The following DIP2A variants were observed in gnomAD, a reference collection of about 807,000 sequenced individuals.
DIP2A encodes the protein disco-interacting protein 2 homolog A.
A neutral mutation model predicts 177.4 loss-of-function variants in DIP2A; 85 were observed. The ratio of observed to expected loss-of-function variants is 0.48; its 90% CI spans 0.40 to 0.57. DIP2A has a LOEUF of 0.57. DIP2A is among the 20% of genes least tolerant of loss of function. The pLI is 0.00. For missense variants in DIP2A, 1,791 were observed against 2,100.2 expected, an observed-to-expected ratio of 0.85 and a Z score of 2.88; for synonymous variants, 886 against 881.8, an observed-to-expected ratio of 1.00 and a Z score of -0.08.
At chr21:46,517,046 TTCTC>T (rs774294971) in intron 8 of DIP2A, among the ~76,000 whole-genome samples, 7 of 145,930 alleles carry the variant, frequency 4.8e-5, no homozygotes, top group African/African-American at 1.8e-4. Context: ...TGTCTGTGTT[TTCTC>T]TCTCTTTTTT....
chr21:46,565,684 A>G lies in DIP2A; in HGVS notation c.4165-29A>G, dbSNP rs750348033. 1.6e-5 allele frequency: 26 copies of G among 1,596,758 alleles called. No individual in the cohort carries two copies. The South Asian group carries it at 2.1e-4, about 13-fold the overall frequency. Reference sequence around the variant, plus strand: ...ATCTGAACTCGGTGGTTGGTAACACATCACATTCTTGTCCTCTGGGCCCAC... The same window carrying G: ...ATCTGAACTCGGTGGTTGGTAACACGTCACATTCTTGTCCTCTGGGCCCAC... On this transcript the variant is annotated intron_variant, in intron 35 of 37. Coordinates refer to ENST00000417564, the MANE Select transcript of DIP2A (RefSeq NM_015151.4).
At chr21:46,539,771 G>T in intron 16 of DIP2A, 106 bp from the exon 17 acceptor site, 1 of 906,256 alleles carries the variant, frequency 1.1e-6, no homozygotes. Context: ...ATGCAGCCCT[G>T]TGGTTCCGAT....
chr21:46,459,908 C>G (rs1225671886), intron 1 of DIP2A, among the ~76,000 whole-genome samples: 1 of 151,866 alleles, frequency 6.6e-6, no homozygotes, highest in Non-Finnish European at 1.5e-5. Context: ...CACTTTTGCC[C>G]CAAGCTGTGA....
intron 1 of DIP2A, among the ~76,000 whole-genome samples, chr21:46,467,755 TC>T (rs1568902810): frequency 6.6e-6 from 1 of 152,172 alleles, no homozygotes; most frequent in Non-Finnish European, 1.5e-5. Flanking sequence ...GTTTTTTTTT[TC>T]ATAGTAAATT....
chr21:46,482,288 C>T (rs142801049), intron 1 of DIP2A, among the ~76,000 whole-genome samples: 70 of 152,194 alleles, frequency 4.6e-4, no homozygotes, highest in African/African-American at 1.6e-3. Context: ...TTTCGGGCAA[C>T]GATTGACCAC....
At position 46,459,012 on chromosome 21, in the gene DIP2A, G is replaced by C; in HGVS notation, c.-120G>C. 1 of 831,598 alleles carries C rather than the reference G, an allele frequency of 1.2e-6. No individual in the cohort carries two copies. Among genetic ancestry groups the C allele is most frequent in the Non-Finnish European group, 1.7e-6 (1 of 593,370 alleles). 51.5% of individuals were successfully genotyped at this position (831,598 alleles called of 1,614,324 possible). ...CCGCGCCCCTGTCCCGCCGCCTCCC[G>C]CTCCTCGCCTGGCGGATGTAGGTTG... On this transcript the variant is annotated 5_prime_UTR_variant, in exon 1 of 38. Coordinates refer to ENST00000417564, the MANE Select transcript of DIP2A (RefSeq NM_015151.4).
chr21:46,468,496 A>G (rs982045712), intron 1 of DIP2A, among the ~76,000 whole-genome samples: 1 of 151,810 alleles, frequency 6.6e-6, no homozygotes, highest in Non-Finnish European at 1.5e-5. Flanking sequence ...AAATAGTCAG[A>G]CTCATAGAAG....
At position 46,565,859 on chromosome 21, in the gene DIP2A, G is replaced by T. The variant is rs941194007; in HGVS notation, c.4311G>T (p.Arg1437=). The T allele has an allele frequency of 6.2e-7, 1 of 1,613,972 alleles. No individual in the cohort carries two copies. Among genetic ancestry groups the T allele is most frequent in the Non-Finnish European group, 8.5e-7 (1 of 1,179,894 alleles). Residue 1437 remains arginine, a synonymous_variant, in exon 36 of 38, where the codon CGG becomes CGT. Transcript: ENST00000417564. ...GGACCGGCTACCTTGGCTTCCTTCG[G>T]CGAACAGAGCTCACTGATGCCAGTG... ...WARTGYLGFL[R]RTELTDASGG... is the part of the protein sequence containing the mutation.
intron 1 of DIP2A, among the ~76,000 whole-genome samples, chr21:46,466,412 G>A (rs1240629611): frequency 3.5e-5 from 5 of 143,216 alleles, no homozygotes; most frequent in African/African-American, 1.3e-4. Flanking sequence ...GCAGTGGCGC[G>A]ATCTCAGCTC....
chr21:46,534,054 C>G lies in DIP2A; in HGVS notation c.1480C>G (p.Pro494Ala). The G allele has an allele frequency of 6.2e-7, 1 of 1,613,856 alleles. No homozygotes were observed. ...GATTGATGGGAAGCATCTAGCCAAG[C>G]CCCCAAAGGACTGGCACCCTCTGGC... ...LVIDGKHLAK[P>A]PKDWHPLAQD... is the part of the protein sequence containing the mutation. The change falls in exon 12 of 38, where the codon CCC (proline) becomes GCC (alanine). Residue 494 changes from proline (P) to alanine (A), a missense_variant. Physicochemically the swap from Pro to Ala is conservative, Grantham distance 27 (BLOSUM62 -1). Transcript: ENST00000417564.
chr21:46,580,562 T>A, the DIP2A span, among the ~76,000 whole-genome samples: 1 of 152,244 alleles, frequency 6.6e-6, no homozygotes, highest in Non-Finnish European at 1.5e-5. Context: ...TACTTCAGTG[T>A]CTTTTTGTAC....
chr21:46,550,088 A>G (rs2060216981), intron 22 of DIP2A: 6 of 1,310,714 alleles, frequency 4.6e-6, no homozygotes, highest in African/African-American at 1.5e-5. Context: ...TATGAATACA[A>G]TATAGAATAA....
rs1379491638 is a variant in DIP2A, at chr21:46,475,739, TAGAG to T, written c.92-9012_92-9009del. Among the ~76,000 whole-genome samples the T allele has an allele frequency of 3.9e-5, 6 of 151,920 alleles. No individual in the cohort carries two copies. In the South Asian group the frequency reaches 8.3e-4, roughly 21 times the overall value. On this transcript the variant is annotated intron_variant, in intron 1 of 37. Transcript: ENST00000417564. ...CATTAGATTCATATTTGAACCATTA[TAGAG>T]AGAGATGACTCCCATTCACTCTCTG...
chr21:46,532,969 G>A (rs1198194754), intron 10 of DIP2A, among the ~76,000 whole-genome samples: 3 of 152,200 alleles, frequency 2.0e-5, no homozygotes, highest in African/African-American at 7.2e-5. Flanking sequence ...TCAAACTAGT[G>A]TATCTCAAAG....
At chr21:46,482,918 A>C (rs1047105685) in intron 1 of DIP2A, among the ~76,000 whole-genome samples, 5 of 152,184 alleles carry the variant, frequency 3.3e-5, no homozygotes, top group African/African-American at 1.2e-4. Flanking sequence ...TCTAAACCTT[A>C]AAAAGTTGTG....
chr21:46,469,924 C>T (rs2055199358), intron 1 of DIP2A, among the ~76,000 whole-genome samples: 1 of 152,168 alleles, frequency 6.6e-6, no homozygotes, highest in African/African-American at 2.4e-5. Flanking sequence ...GGCCAGGATA[C>T]CTGTTCCATC....
chr21:46,533,788 G>T, intron 11 of DIP2A, 141 bp downstream of exon 11: 1 of 1,332,506 alleles, frequency 7.5e-7, no homozygotes, highest in East Asian at 2.4e-5. Flanking sequence ...GGTGAATCTC[G>T]GTTTTCATCT....
rs762870707 is a variant in DIP2A at position 46,560,764 on chromosome 21, C to T, written c.4012C>T (p.Arg1338Trp). The T allele has an allele frequency of 3.1e-6, 5 of 1,607,108 alleles. No individual in the cohort carries two copies. The highest frequency in any genetic ancestry group is 4.5e-5 in the East Asian group (2 of 44,570). ...CCCCACAACCGTCTACGTGGACATG[C>T]GGGCACTGCGCCATGACAGGTAATG... ...PDPTTVYVDM[R>W]ALRHDRVRLV... Residue 1338 changes from arginine (R) to tryptophan (W), a missense_variant, in exon 33 of 38, where the codon CGG becomes TGG. Physicochemically the swap from Arg to Trp is moderately radical, Grantham distance 101. Coordinates refer to ENST00000417564, the MANE Select transcript of DIP2A (RefSeq NM_015151.4).
intron 7 of DIP2A, among the ~76,000 whole-genome samples, chr21:46,510,891 C>G (rs964707554): frequency 6.6e-6 from 1 of 152,136 alleles, no homozygotes; most frequent in Non-Finnish European, 1.5e-5. Flanking sequence ...CCTCGGCCTC[C>G]CAAAGTGCTG....
Sources: gnomAD v4.1 joint callset for allele counts (sites outside exome capture counted in the v4.1 genomes callset) on GRCh38, gnomAD v4.1.1 for gene constraint, MANE v1.5 for transcripts, NCBI Gene and HGNC (gene_info 2026-07-23, HGNC 2026-07-21) for gene names.